Variants in ZNF570 observed in about 807,000 individuals in gnomAD.
ZNF570 encodes zinc finger protein 570.
ZNF570 carries 8 observed loss-of-function variants against 14.2 expected under a neutral mutation model. The observed-to-expected ratio is 0.56, with a 90% CI of 0.33 to 1.02. The LOEUF (loss-of-function observed/expected upper bound fraction) is 1.02. ZNF570 is among the 50% of genes least tolerant of loss of function. The pLI is 0.03. For missense variants in ZNF570, 559 were observed against 624.9 expected, an observed-to-expected ratio of 0.89 and a Z score of 1.12; for synonymous variants, 202 against 207.6, an observed-to-expected ratio of 0.97 and a Z score of 0.23.
At chr19:37,480,148 C>T (rs1232837540) in intron 4 of ZNF570, among the ~76,000 whole-genome samples, 1 of 152,156 alleles carries the variant, frequency 6.6e-6, no homozygotes, top group Non-Finnish European at 1.5e-5. Context: ...GTCACCTTAA[C>T]AAAACCTAAA....
Position 37,469,766 on chromosome 19 carries a change from G to A in ZNF570, c.-52+209G>A, listed in dbSNP as rs1006791066. On this transcript the variant is annotated intron_variant, in intron 1 of 4. Coordinates refer to ENST00000330173, the MANE Select transcript of ZNF570 (RefSeq NM_144694.5). ...GTCGCTTGTGATAGATACCCTGGTGGCTGAGCCTTGCCGGTATGGGAAAGG... is the reference window on the plus strand; with the variant it reads ...GTCGCTTGTGATAGATACCCTGGTGACTGAGCCTTGCCGGTATGGGAAAGG... 1.5e-5 allele frequency: 9 copies of A among 609,420 alleles called. No homozygotes were observed. In the African/African-American group the frequency reaches 1.7e-4, roughly 11 times the overall value. 37.8% of individuals were successfully genotyped at this position (609,420 alleles called of 1,614,324 possible). A position where few individuals can be genotyped will look rare whatever the true frequency, so the allele number is the denominator to read the frequency against.
chr19:37,480,631 A>G (rs951284715), intron 4 of ZNF570, among the ~76,000 whole-genome samples: 1 of 151,918 alleles, frequency 6.6e-6, no homozygotes. Context: ...TTTAATTTAG[A>G]CCATATTATA....
At position 37,483,886 on chromosome 19, in the gene ZNF570, G is replaced by A. The variant is rs200098109; in HGVS notation, c.264G>A (p.Glu88=). ...ELTKGLCSGW[E]PICETEELTP... is the part of the protein sequence containing the mutation. The stretch of plus-strand genomic sequence containing the variant: ...CTTATTATTACTTTTCAGGCTGGGA[G>A]CCTATATGTGAGACTGAAGAATTAA... The change falls in exon 5 of 5, where the codon GAG becomes GAA. Residue 88 remains glutamate, a synonymous_variant. Transcript: ENST00000330173. The A allele has an allele frequency of 6.9e-6, 11 of 1,595,292 alleles. No homozygotes were observed. In the East Asian group the frequency reaches 2.2e-4, roughly 32 times the overall value.
In ZNF570 at chr19:37,475,888, T is replaced by C. The variant is rs377268527; in HGVS notation, c.41T>C (p.Val14Ala). The C allele has an allele frequency of 1.7e-5, 28 of 1,607,894 alleles. No individual in the cohort carries two copies. Among genetic ancestry groups the C allele is most frequent in the African/African-American group, 2.7e-5 (2 of 74,552 alleles). Reference protein sequence around the residue: ...GLLKAMYQELVTFRDVAVDFS... With the variant: ...GLLKAMYQELATFRDVAVDFS... ...CCATTTATTTCATTTCAGGAGTTGG[T>C]GACCTTCAGAGATGTGGCTGTAGAC... is the stretch of plus-strand genomic sequence containing the variant. The change falls in exon 3 of 5, where the codon GTG becomes GCG. Residue 14 changes from valine (V) to alanine (A), a missense_variant. By Grantham distance (64) the Val-to-Ala change is moderately conservative. Transcript: ENST00000330173.
Position 37,469,434 on chromosome 19 carries a change from C to T in ZNF570, c.-175C>T. ...AGACCCGAGTGCAGATTCCCCGAGC[C>T]TTCGGGGCAGGAAGGAGATCTTCCA... On this transcript the variant is annotated 5_prime_UTR_variant, in exon 1 of 5. Coordinates refer to ENST00000330173, the MANE Select transcript of ZNF570 (RefSeq NM_144694.5). 1 of 1,534,290 alleles carries T rather than the reference C, an allele frequency of 6.5e-7. No homozygotes were observed. Among genetic ancestry groups the T allele is most frequent in the Non-Finnish European group, 8.7e-7 (1 of 1,145,524 alleles).
intron 2 of ZNF570, among the ~76,000 whole-genome samples, chr19:37,471,463 A>G (rs1313042000): frequency 6.6e-6 from 1 of 152,110 alleles, no homozygotes; most frequent in Non-Finnish European, 1.5e-5. Context: ...GTAAGCACCC[A>G]TTACCACTGG....
At chr19:37,470,674 G>A (rs1306491964) in intron 2 of ZNF570, among the ~76,000 whole-genome samples, 1 of 149,788 alleles carries the variant, frequency 6.7e-6, no homozygotes, top group African/African-American at 2.5e-5. Context: ...TTGTAATGTG[G>A]TGAGTACATT....
chr19:37,483,372 A>G (rs1041973281), intron 4 of ZNF570, among the ~76,000 whole-genome samples: 1 of 152,094 alleles, frequency 6.6e-6, no homozygotes, highest in African/African-American at 2.4e-5. Flanking sequence ...CCCTACCCTG[A>G]TTTTCTTTCT....
chr19:37,470,159 C>T, intron 1 of ZNF570, 145 bp from the exon 2 acceptor site: 1 of 643,960 alleles, frequency 1.6e-6, no homozygotes, highest in Non-Finnish European at 2.6e-6. Context: ...AAATTGTATG[C>T]AAACAAATTC....
At chr19:37,468,260 T>C (rs1204021106), upstream of ZNF570, among the ~76,000 whole-genome samples, 2 of 151,556 alleles carry the variant, frequency 1.3e-5, no homozygotes, top group African/African-American at 4.8e-5. Flanking sequence ...TGATTTTTGT[T>C]TGTTTGTTAG....
intron 1 of ZNF570, 165 bp downstream of exon 1, chr19:37,469,722 G>T (rs1182129357): frequency 2.8e-6 from 2 of 722,316 alleles, no homozygotes; most frequent in Non-Finnish European, 4.5e-6. Flanking sequence ...CGGCTTCTTT[G>T]TGACTGGGTT....
At chr19:37,472,634 C>G (rs2041979859) in intron 2 of ZNF570, among the ~76,000 whole-genome samples, 1 of 151,238 alleles carries the variant, frequency 6.6e-6, no homozygotes, top group African/African-American at 2.4e-5. Flanking sequence ...CCCAGCTACT[C>G]AGGAGGCTGA....
chr19:37,483,842 A>G, intron 4 of ZNF570, 37 bp from the exon 5 acceptor site: 2 of 1,544,590 alleles, frequency 1.3e-6, no homozygotes, highest in South Asian at 2.5e-5. Flanking sequence ...TCTGATACTC[A>G]ATAGAGGAGA....
rs1439444129 is a variant in ZNF570 at position 37,475,845 on chromosome 19, G to A, written c.34-36G>A. The stretch of plus-strand genomic sequence containing the variant: ...GGGCAGAGGAAATGAGGTGAATATG[G>A]TAAGAGATAAGGTTCTTCCATTTAT... On this transcript the variant is annotated intron_variant, in intron 2 of 4. Coordinates refer to ENST00000330173, the MANE Select transcript of ZNF570 (RefSeq NM_144694.5). The A allele has an allele frequency of 5.0e-6, 8 of 1,589,416 alleles. No individual in the cohort carries two copies. The South Asian group carries it at 7.0e-5, about 14-fold the overall frequency.
At position 37,484,076 on chromosome 19, in the gene ZNF570, A is replaced by G. The variant is rs747010049; in HGVS notation, c.454A>G (p.Thr152Ala). ...QKACFKEEII[T>A]HEEPLFDERE... ...GGCGTGTTTCAAGGAAGAGATAATC[A>G]CTCATGAAGAACCCCTTTTTGATGA... is the stretch of plus-strand genomic sequence containing the variant. The change falls in exon 5 of 5, where the codon ACT becomes GCT. Residue 152 changes from threonine to alanine, a missense_variant. By Grantham distance (58) the Thr-to-Ala change is moderately conservative. Transcript: ENST00000330173. 6.2e-7 allele frequency: 1 copy of G among 1,614,110 alleles called. No homozygotes were observed. The highest frequency in any genetic ancestry group is 1.1e-5 in the South Asian group (1 of 91,086).
At chr19:37,472,852 A>C (rs1198720621) in intron 2 of ZNF570, among the ~76,000 whole-genome samples, 1 of 152,156 alleles carries the variant, frequency 6.6e-6, no homozygotes, top group Non-Finnish European at 1.5e-5. Flanking sequence ...GATGTTAAAG[A>C]TTCAGTAGAA....
Position 37,487,320 on chromosome 19 carries a change from ATTAT to A in ZNF570, c.*2092_*2095del, listed in dbSNP as rs1484425274. 2 of 152,082 alleles carry A rather than the reference ATTAT, an allele frequency of 1.3e-5. No homozygotes were observed. The highest frequency in any genetic ancestry group is 1.9e-4 in the East Asian group (1 of 5,192). 9.4% of individuals were successfully genotyped at this position (152,082 alleles called of 1,614,324 possible). On this transcript the variant is annotated 3_prime_UTR_variant, in exon 5 of 5. Transcript: ENST00000330173. The stretch of plus-strand genomic sequence containing the variant: ...CTATAGAAAAATGTAAAGTTTTAAA[ATTAT>A]TTATCCAGTGGTTGCAAAATTGAAA...
intron 4 of ZNF570, among the ~76,000 whole-genome samples, chr19:37,479,867 G>T (rs1249566982): frequency 6.6e-6 from 1 of 152,090 alleles, no homozygotes; most frequent in East Asian, 1.9e-4. Context: ...CCGGCTTGCT[G>T]TGTGTTTCTC....
intron 4 of ZNF570, among the ~76,000 whole-genome samples, chr19:37,482,524 C>T (rs1306395370): frequency 6.6e-6 from 1 of 152,168 alleles, no homozygotes; most frequent in African/African-American, 2.4e-5. Context: ...GGTACTAAAC[C>T]ATTCGTGAGG....
Sources: gnomAD v4.1 joint callset for allele counts (sites outside exome capture counted in the v4.1 genomes callset) on GRCh38, gnomAD v4.1.1 for gene constraint, MANE v1.5 for transcripts, NCBI Gene and HGNC (gene_info 2026-07-23, HGNC 2026-07-21) for gene names.